The following PIWIL3 variants were observed in gnomAD, a reference collection of about 807,000 sequenced individuals.
The protein encoded by PIWIL3 is piwi like RNA-mediated gene silencing 3.
In PIWIL3, 101 loss-of-function variants were observed where a neutral mutation model predicts 109.7. That is an observed-to-expected ratio of 0.92 (90% CI 0.78 to 1.09). PIWIL3 has a LOEUF of 1.09. Among genes scored for constraint, PIWIL3 ranks in the 50% least tolerant of loss-of-function variants. The pLI, the probability that PIWIL3 is intolerant of heterozygous loss-of-function variation, is 0.00. For synonymous variants in PIWIL3, 373 were observed against 376.4 expected (o/e 0.99, Z 0.10); for missense variants, 1,031 against 1,072.6 (o/e 0.96, Z 0.54).
chr22:24,756,823 T>A, intron 4 of PIWIL3, 118 bp from the exon 5 acceptor site: 1 of 856,528 alleles, frequency 1.2e-6, no homozygotes. Flanking sequence ...CTCACGCCTC[T>A]AATCCCAGCA....
Position 24,728,044 on chromosome 22 carries a change from T to G in PIWIL3, c.1915A>C (p.Thr639Pro). The change falls in exon 16 of 21, where the codon ACA becomes CCA. Residue 639 changes from threonine to proline, a missense_variant. Transcript: ENST00000616349. ...AAACAATCAATGCCAACGAACATTGTTCTTTGTACCTTAAGTTTGTTTTTG... is the reference window on the plus strand; with the variant it reads ...AAACAATCAATGCCAACGAACATTGGTCTTTGTACCTTAAGTTTGTTTTTG... ...LWKVETDVQR[T>P]MFVGIDCFHD... is the part of the protein sequence containing the mutation. The G allele has an allele frequency of 3.1e-6, 5 of 1,613,890 alleles. No homozygotes were observed. The highest frequency in any genetic ancestry group is 4.2e-6 in the Non-Finnish European group (5 of 1,179,876).
rs145034297 is a variant in PIWIL3, at chr22:24,766,391, T to G, written c.-22-3870A>C. Among the ~76,000 whole-genome samples the G allele has an allele frequency of 7.5e-3, 1,139 of 152,158 alleles. 18 individuals are homozygous for G. The highest frequency in any genetic ancestry group is 0.026 in the African/African-American group (1,083 of 41,512). ...TGGAGTACAGTGGCGTGATCTCAGC[T>G]CACTACAAGCTCTGTCTGCTGGGTT... is the stretch of plus-strand genomic sequence containing the variant. On this transcript the variant is annotated intron_variant, in intron 1 of 20. Transcript: ENST00000616349.
At chr22:24,763,604 T>C (rs2147722693) in intron 1 of PIWIL3, among the ~76,000 whole-genome samples, 1 of 152,148 alleles carries the variant, frequency 6.6e-6, no homozygotes, top group Middle Eastern at 3.4e-3. Flanking sequence ...TCGGCCAAAC[T>C]TCTCTAGAAA....
intron 18 of PIWIL3, among the ~76,000 whole-genome samples, chr22:24,724,090 G>A (rs923508911): frequency 4.6e-5 from 7 of 152,134 alleles, no homozygotes; most frequent in Non-Finnish European, 8.8e-5. Flanking sequence ...GCTACTGCCA[G>A]GTCCAATTCT....
intron 1 of PIWIL3, among the ~76,000 whole-genome samples, chr22:24,768,226 G>GT (rs936161404): frequency 2.0e-5 from 3 of 151,290 alleles, no homozygotes; most frequent in African/African-American, 7.3e-5. Flanking sequence ...TTTTGTTGTT[G>GT]TTTTTTGTTG....
chr22:24,725,374 G>T, intron 17 of PIWIL3, 71 bp downstream of exon 17: 1 of 1,562,824 alleles, frequency 6.4e-7, no homozygotes. Flanking sequence ...GTGTCCCCTG[G>T]AGGCAGTAAG....
Position 24,728,022 on chromosome 22 carries a change from C to T in PIWIL3, c.1937G>A (p.Cys646Tyr). ...VQRTMFVGID[C>Y]FHDIVNRQKS... Reference sequence around the variant, plus strand: ...CTGTCGATTTACGATATCGTGGAAACAATCAATGCCAACGAACATTGTTCT... The same window carrying T: ...CTGTCGATTTACGATATCGTGGAAATAATCAATGCCAACGAACATTGTTCT... The change falls in exon 16 of 21, where the codon TGT (cysteine) becomes TAT (tyrosine). Residue 646 changes from cysteine to tyrosine, a missense_variant. Physicochemically the swap from Cys to Tyr is radical, Grantham distance 194 (BLOSUM62 -2). Transcript: ENST00000616349. 1 of 1,614,010 alleles carries T rather than the reference C, an allele frequency of 6.2e-7. No homozygotes were observed. Among genetic ancestry groups the T allele is most frequent in the Non-Finnish European group, 8.5e-7 (1 of 1,179,982 alleles).
At chr22:24,722,011 G>T (rs978713015) in intron 19 of PIWIL3, among the ~76,000 whole-genome samples, 1 of 152,188 alleles carries the variant, frequency 6.6e-6, no homozygotes, top group Admixed American at 6.5e-5. Flanking sequence ...TCCTTGTTCA[G>T]GTTCTTAGGA....
At chr22:24,764,223 T>C (rs2147724363) in intron 1 of PIWIL3, among the ~76,000 whole-genome samples, 1 of 152,330 alleles carries the variant, frequency 6.6e-6, no homozygotes, top group African/African-American at 2.4e-5. Flanking sequence ...GAGCTGCACG[T>C]GGCGGACTCA....
At chr22:24,753,062 T>C (rs1924805355) in intron 8 of PIWIL3, among the ~76,000 whole-genome samples, 1 of 152,260 alleles carries the variant, frequency 6.6e-6, no homozygotes. Context: ...AGATACAGGT[T>C]ACTTATGTGA....
intron 1 of PIWIL3, among the ~76,000 whole-genome samples, chr22:24,763,148 CT>C (rs11288934): frequency 0.42 from 58,889 of 141,456 alleles, 12,051 homozygotes; most frequent in East Asian, 0.56. Context: ...ACTTTTTTTT[CT>C]TTTTTTTTTT....
Position 24,750,482 on chromosome 22 carries a change from A to ATTTTTTTTTT in PIWIL3, c.1090-664_1090-663insAAAAAAAAAA, listed in dbSNP as rs1241174453. ...CTTATCTGAAGTCTTACCACATTTG[A>ATTTTTTTTTT]TTTTTTTTCTTTTTTTTTTTTTTGA... On this transcript the variant is annotated intron_variant, in intron 9 of 20. Coordinates refer to ENST00000616349, the MANE Select transcript of PIWIL3 (RefSeq NM_001255975.1). Among the ~76,000 whole-genome samples the ATTTTTTTTTT allele has an allele frequency of 3.8e-4, 43 of 114,308 alleles. 4 individuals are homozygous for ATTTTTTTTTT. The highest frequency in any genetic ancestry group is 4.0e-4 in the Admixed American group (4 of 9,920). The allele number at this position is 114,308 out of a possible 152,430, so 75.0% of individuals were successfully genotyped here.
At chr22:24,747,690 C>T (rs941515908) in intron 12 of PIWIL3, among the ~76,000 whole-genome samples, 7 of 152,040 alleles carry the variant, frequency 4.6e-5, no homozygotes, top group African/African-American at 1.7e-4. Flanking sequence ...TGAAAAAGTG[C>T]TGATATCAAT....
At chr22:24,757,784 CTA>C (rs1925176616) in intron 4 of PIWIL3, 122 bp downstream of exon 4, 4 of 1,192,642 alleles carry the variant, frequency 3.4e-6, no homozygotes, top group Non-Finnish European at 4.6e-6. Context: ...GAGTTTGAGG[CTA>C]AAGTGAGCAT....
chr22:24,750,971 A>T (rs1924673668), intron 9 of PIWIL3, among the ~76,000 whole-genome samples: 1 of 151,688 alleles, frequency 6.6e-6, no homozygotes. Flanking sequence ...TAAAAATACA[A>T]AAATTAGCCA....
intron 1 of PIWIL3, among the ~76,000 whole-genome samples, chr22:24,773,871 C>T (rs1016431817): frequency 2.0e-5 from 3 of 151,796 alleles, no homozygotes; most frequent in African/African-American, 7.3e-5. Context: ...CCCGCCACTG[C>T]GCCCAGTTAA....
intron 12 of PIWIL3, among the ~76,000 whole-genome samples, chr22:24,746,410 G>A (rs1021043725): frequency 6.6e-6 from 1 of 151,956 alleles, no homozygotes; most frequent in Admixed American, 6.6e-5. Context: ...GGTATAGAAT[G>A]AACATATTTC....
intron 2 of PIWIL3, among the ~76,000 whole-genome samples, chr22:24,760,664 C>T (rs1047145162): frequency 3.3e-5 from 5 of 151,488 alleles, no homozygotes; most frequent in Non-Finnish European, 7.4e-5. Context: ...CCTGTAATCC[C>T]AGCTACTCAG....
chr22:24,761,843 G>A, intron 2 of PIWIL3: 1 of 626,292 alleles, frequency 1.6e-6, no homozygotes. Context: ...TTAGGAGAAG[G>A]AGAGGAGCAA....
Sources: gnomAD v4.1 joint callset for allele counts (sites outside exome capture counted in the v4.1 genomes callset) on GRCh38, gnomAD v4.1.1 for gene constraint, MANE v1.5 for transcripts, NCBI Gene and HGNC (gene_info 2026-07-23, HGNC 2026-07-21) for gene names.